EPB41L2: variants seen among roughly 807,000 people sequenced by gnomAD.
EPB41L2 encodes the protein erythrocyte membrane protein band 4.1 like 2.
In EPB41L2, 43 loss-of-function variants were observed where a neutral mutation model predicts 113.0. The observed-to-expected ratio is 0.38, with a 90% CI of 0.30 to 0.49. The LOEUF is 0.49. Among genes scored for constraint, EPB41L2 ranks in the 20% least tolerant of loss-of-function variants. The probability of loss-of-function intolerance (pLI) is 0.95; values close to 1 mark genes in which losing one functional copy is unlikely to be tolerated. For synonymous variants in EPB41L2, 442 were observed against 436.7 expected (o/e 1.01, Z -0.15); for missense variants, 1,147 against 1,223.4 (o/e 0.94, Z 0.93).
chr6:131,046,558 A>C (rs1795501325), intron 1 of EPB41L2, among the ~76,000 whole-genome samples: 1 of 152,216 alleles, frequency 6.6e-6, no homozygotes, highest in African/African-American at 2.4e-5. Context: ...CAATAGCCCA[A>C]TATTCCAATA....
At chr6:130,850,398 C>T (rs547519589) in intron 19 of EPB41L2, among the ~76,000 whole-genome samples, 2 of 152,178 alleles carry the variant, frequency 1.3e-5, no homozygotes, top group South Asian at 4.1e-4. Context: ...AATTTAAATG[C>T]CCATTAATAG....
chr6:130,937,711 C>T (rs1052486729), intron 3 of EPB41L2, among the ~76,000 whole-genome samples: 21 of 151,390 alleles, frequency 1.4e-4, no homozygotes, highest in Admixed American at 8.5e-4. Context: ...CCCAGCTACT[C>T]GGGAGGCTGA....
At chr6:131,053,944 G>C (rs1361480934) in intron 1 of EPB41L2, among the ~76,000 whole-genome samples, 1 of 152,248 alleles carries the variant, frequency 6.6e-6, no homozygotes, top group African/African-American at 2.4e-5. Flanking sequence ...ACCATGGCCA[G>C]CATGGCCACA....
rs1817008780 is a variant in EPB41L2, at chr6:130,955,245, C to T, written c.565G>A (p.Ala189Thr). ...ETQEDKLEGG[A>T]AKRETKEVQT... ...ACTTCCTTGGTCTCCCTTTTTGCTG[C>T]TCCTCCTTCTAATTTGTCTTCCTGT... The change falls in exon 3 of 20, where the codon GCA becomes ACA. Residue 189 changes from alanine (A) to threonine (T), a missense_variant. By Grantham distance (58) the Ala-to-Thr change is moderately conservative. Transcript: ENST00000337057. 4 of 1,613,948 alleles carry T rather than the reference C, an allele frequency of 2.5e-6. No homozygotes were observed. In the South Asian group the frequency reaches 3.3e-5, roughly 13 times the overall value.
intron 1 of EPB41L2, among the ~76,000 whole-genome samples, chr6:130,986,439 G>GAA (rs199890054): frequency 6.9e-6 from 1 of 145,388 alleles, no homozygotes; most frequent in African/African-American, 2.5e-5. Flanking sequence ...ATTTAAAAAA[G>GAA]AAAAAAAAAA....
chr6:130,956,192 A>G lies in EPB41L2; in HGVS notation c.294T>C (p.Asp98=), dbSNP rs758306830. ...YTLVVAKDGG[D]KKEPTQAVVE... ...CAACAGCTTGGGTAGGCTCTTTTTTATCTCCTCCATCTTTGGCCACTACTA... is the reference window on the plus strand; with the variant it reads ...CAACAGCTTGGGTAGGCTCTTTTTTGTCTCCTCCATCTTTGGCCACTACTA... Residue 98 remains aspartate (D), a synonymous_variant, in exon 2 of 20, where the codon GAT becomes GAC. Transcript: ENST00000337057. 1.2e-6 allele frequency: 2 copies of G among 1,613,736 alleles called. No individual in the cohort carries two copies. Among genetic ancestry groups the G allele is most frequent in the Non-Finnish European group, 1.7e-6 (2 of 1,179,920 alleles).
rs572213016 is a variant in EPB41L2, at chr6:130,874,909, A to G, written c.2043+3195T>C. On this transcript the variant is annotated intron_variant, in intron 14 of 19. Coordinates refer to ENST00000337057, the MANE Select transcript of EPB41L2 (RefSeq NM_001431.4). ...AGGACATCACTTTAAATTTGATCGA[A>G]TGATACCATGTGATTGCTTCTGAAG... Among the ~76,000 whole-genome samples, 3 of 152,220 alleles carry G rather than the reference A, an allele frequency of 2.0e-5. No individual in the cohort carries two copies. The South Asian group carries it at 6.2e-4, about 31-fold the overall frequency.
chr6:130,909,827 T>C (rs1057241136), intron 4 of EPB41L2, among the ~76,000 whole-genome samples: 1 of 152,090 alleles, frequency 6.6e-6, no homozygotes, highest in South Asian at 2.1e-4. Context: ...ACAAGGAATG[T>C]GAAGGACCTC....
At chr6:130,897,259 TAA>T (rs1170003143) in intron 8 of EPB41L2, among the ~76,000 whole-genome samples, 1 of 151,912 alleles carries the variant, frequency 6.6e-6, no homozygotes, top group Admixed American at 6.6e-5. Flanking sequence ...CAATGAAAAA[TAA>T]AGACACAAAA....
At chr6:130,852,963 T>A (rs1779191774) in intron 19 of EPB41L2, among the ~76,000 whole-genome samples, 1 of 152,204 alleles carries the variant, frequency 6.6e-6, no homozygotes, top group Non-Finnish European at 1.5e-5. Flanking sequence ...TCTCTGATGC[T>A]CTATTCTGAT....
chr6:130,913,628 T>C (rs964469408), intron 4 of EPB41L2, among the ~76,000 whole-genome samples: 7 of 152,190 alleles, frequency 4.6e-5, no homozygotes, highest in Non-Finnish European at 1.0e-4. Context: ...TTATATTACT[T>C]TTATTACATT....
At chr6:130,873,585 C>T (rs1398133648) in intron 14 of EPB41L2, among the ~76,000 whole-genome samples, 4 of 152,058 alleles carry the variant, frequency 2.6e-5, no homozygotes, top group Admixed American at 6.6e-5. Flanking sequence ...CCTGCCTCAG[C>T]CTCCCCAGTA....
intron 3 of EPB41L2, among the ~76,000 whole-genome samples, chr6:130,927,964 G>A (rs956254879): frequency 6.6e-6 from 1 of 152,012 alleles, no homozygotes; most frequent in Non-Finnish European, 1.5e-5. Flanking sequence ...GTGGTGGCGT[G>A]TGCTTGTAGT....
At chr6:130,890,650 TG>T (rs1792540241) in intron 10 of EPB41L2, among the ~76,000 whole-genome samples, 184 bp from the exon 11 acceptor site, 1 of 152,224 alleles carries the variant, frequency 6.6e-6, no homozygotes, top group African/African-American at 2.4e-5. Flanking sequence ...AGCTTTATGA[TG>T]GTGATGAGTA....
intron 19 of EPB41L2, among the ~76,000 whole-genome samples, chr6:130,843,474 A>G (rs2128395040): frequency 6.6e-6 from 1 of 152,354 alleles, no homozygotes; most frequent in Middle Eastern, 3.4e-3. Flanking sequence ...AAGTCTGGGC[A>G]TCTTTGTCAA....
intron 14 of EPB41L2, chr6:130,876,850 T>C (rs7741462): frequency 0.73 from 664,288 of 906,238 alleles, 246,541 homozygotes; most frequent in East Asian, 1. Flanking sequence ...AAACACAAAA[T>C]ACTGACCCAG....
intron 15 of EPB41L2, 168 bp from the exon 16 acceptor site, chr6:130,867,749 A>C: frequency 1.2e-6 from 1 of 811,902 alleles, no homozygotes; most frequent in Non-Finnish European, 1.9e-6. Flanking sequence ...TAAAAGAAAA[A>C]TTTTCCTTCA....
At chr6:130,846,381 TG>T (rs893820232) in intron 19 of EPB41L2, among the ~76,000 whole-genome samples, 53 of 152,222 alleles carry the variant, frequency 3.5e-4, no homozygotes, top group African/African-American at 1.0e-3. Context: ...AAAATCTCTT[TG>T]GGCCTTCAAT....
At chr6:131,015,046 T>C (rs1787879642) in intron 1 of EPB41L2, among the ~76,000 whole-genome samples, 2 of 152,210 alleles carry the variant, frequency 1.3e-5, no homozygotes, top group African/African-American at 4.8e-5. Flanking sequence ...TTAAATAAAC[T>C]GCACAGTGGA....
Sources: allele counts gnomAD v4.1 joint callset (sites outside exome capture counted in the v4.1 genomes callset), GRCh38; gene constraint gnomAD v4.1.1; transcripts MANE v1.5; gene names NCBI Gene and HGNC (gene_info 2026-07-23, HGNC 2026-07-21).